CTNNA3: variants seen among roughly 807,000 people sequenced by gnomAD.
CTNNA3 encodes the protein catenin alpha-3.
A neutral mutation model predicts 95.7 loss-of-function variants in CTNNA3; 76 were observed. The ratio of observed to expected loss-of-function variants is 0.79; its 90% CI spans 0.66 to 0.96. The LOEUF (loss-of-function observed/expected upper bound fraction) is 0.96, where lower values mean the gene tolerates loss of function less well. Among genes scored for constraint, CTNNA3 ranks in the 40% least tolerant of loss-of-function variants. The pLI, the probability that CTNNA3 is intolerant of heterozygous loss-of-function variation, is 0.00. For missense variants in CTNNA3, 1,191 were observed against 1,089.8 expected, an observed-to-expected ratio of 1.09 and a Z score of -1.31; for synonymous variants, 431 against 374.4, an observed-to-expected ratio of 1.15 and a Z score of -1.74.
At chr10:66,889,939 C>T (rs753391885) in intron 7 of CTNNA3, among the ~76,000 whole-genome samples, 17 of 151,894 alleles carry the variant, frequency 1.1e-4, no homozygotes, top group Non-Finnish European at 1.9e-4. Context: ...TACAGGCTCA[C>T]GCCACCACGC....
At chr10:66,799,596 C>G (rs11813818) in intron 7 of CTNNA3, among the ~76,000 whole-genome samples, 1 of 151,198 alleles carries the variant, frequency 6.6e-6, no homozygotes, top group African/African-American at 2.4e-5. Flanking sequence ...AAGGTAGAGA[C>G]AAGCATTAGA....
chr10:67,484,063 A>G (rs2133061791), intron 5 of CTNNA3, among the ~76,000 whole-genome samples: 1 of 152,322 alleles, frequency 6.6e-6, no homozygotes, highest in East Asian at 1.9e-4. Flanking sequence ...GCATCACATT[A>G]CCCAACTTCA....
chr10:66,355,500 A>T (rs1043331637), intron 12 of CTNNA3, among the ~76,000 whole-genome samples: 3 of 152,070 alleles, frequency 2.0e-5, no homozygotes, highest in African/African-American at 7.2e-5. Context: ...ACCTACAAAC[A>T]TAAAATAGGA....
At chr10:67,065,686 C>A (rs755247673) in intron 7 of CTNNA3, among the ~76,000 whole-genome samples, 1 of 152,074 alleles carries the variant, frequency 6.6e-6, no homozygotes, top group South Asian at 2.1e-4. Context: ...GCATGAGCCA[C>A]GGGAAGAGAA....
At chr10:66,292,777 A>G (rs1230745421) in intron 12 of CTNNA3, among the ~76,000 whole-genome samples, 1 of 152,192 alleles carries the variant, frequency 6.6e-6, no homozygotes, top group South Asian at 2.1e-4. Flanking sequence ...AATTCTCCAA[A>G]TCATCATGAG....
At chr10:66,370,531 A>C (rs1421528715) in intron 12 of CTNNA3, among the ~76,000 whole-genome samples, 1 of 152,132 alleles carries the variant, frequency 6.6e-6, no homozygotes, top group African/African-American at 2.4e-5. Flanking sequence ...AGAGCTCCTA[A>C]CAGCTCTGGT....
At chr10:66,199,707 T>C (rs920811447) in intron 13 of CTNNA3, among the ~76,000 whole-genome samples, 5 of 139,708 alleles carry the variant, frequency 3.6e-5, no homozygotes, top group African/African-American at 1.4e-4. Flanking sequence ...GTTCAAGTGA[T>C]TCTCCTGCCT....
At chr10:66,938,387 C>T (rs1222475570) in intron 7 of CTNNA3, among the ~76,000 whole-genome samples, 1 of 151,638 alleles carries the variant, frequency 6.6e-6, no homozygotes, top group East Asian at 1.9e-4. Flanking sequence ...AAGAGTCAAC[C>T]CATATTTTAT....
intron 3 of CTNNA3, among the ~76,000 whole-genome samples, chr10:67,590,459 A>G (rs1842757872): frequency 6.6e-6 from 1 of 152,152 alleles, no homozygotes; most frequent in Non-Finnish European, 1.5e-5. Context: ...GGCATTTGAC[A>G]AACGTGACAT....
At chr10:66,040,242 T>G (rs2079657235) in intron 15 of CTNNA3, among the ~76,000 whole-genome samples, 1 of 152,010 alleles carries the variant, frequency 6.6e-6, no homozygotes, top group Non-Finnish European at 1.5e-5. Context: ...CTGCTGAGGT[T>G]GAGGAGAAAA....
At chr10:67,013,369 G>T (rs573014950) in intron 7 of CTNNA3, among the ~76,000 whole-genome samples, 1 of 151,982 alleles carries the variant, frequency 6.6e-6, no homozygotes, top group Non-Finnish European at 1.5e-5. Flanking sequence ...TCCTTTATTA[G>T]GATTTGTTAA....
intron 7 of CTNNA3, among the ~76,000 whole-genome samples, chr10:67,004,441 T>C (rs988114944): frequency 2.0e-5 from 3 of 152,218 alleles, no homozygotes; most frequent in African/African-American, 7.2e-5. Context: ...GACAGCCCCA[T>C]GGCATGGTGT....
At chr10:66,053,724 G>C (rs1286798019) in intron 15 of CTNNA3, among the ~76,000 whole-genome samples, 1 of 151,910 alleles carries the variant, frequency 6.6e-6, no homozygotes, top group African/African-American at 2.4e-5. Flanking sequence ...GATTAAATAA[G>C]GGTGGCTGTG....
At chr10:67,520,752 C>T (rs1839959577) in intron 5 of CTNNA3, among the ~76,000 whole-genome samples, 1 of 152,172 alleles carries the variant, frequency 6.6e-6, no homozygotes, top group Non-Finnish European at 1.5e-5. Context: ...GTCCATGTAA[C>T]ATCTGTGATA....
intron 7 of CTNNA3, among the ~76,000 whole-genome samples, chr10:67,124,774 TG>T (rs1235920322): frequency 6.6e-6 from 1 of 152,236 alleles, no homozygotes; most frequent in Non-Finnish European, 1.5e-5. Flanking sequence ...AAATGCAAAA[TG>T]TTTTTTTCTT....
chr10:66,623,845 A>G (rs557623386), intron 9 of CTNNA3, among the ~76,000 whole-genome samples: 2 of 152,264 alleles, frequency 1.3e-5, no homozygotes, highest in East Asian at 3.9e-4. Flanking sequence ...TTCAAATTTG[A>G]ATGATTTTAT....
At chr10:66,612,765 T>A (rs1844372252) in intron 10 of CTNNA3, among the ~76,000 whole-genome samples, 1 of 152,178 alleles carries the variant, frequency 6.6e-6, no homozygotes, top group Non-Finnish European at 1.5e-5. Flanking sequence ...TGTTTTTCCA[T>A]CTCCGTTGCC....
At chr10:67,745,747 A>C (rs186751229) in intron 1 of CTNNA3, among the ~76,000 whole-genome samples, 4 of 152,152 alleles carry the variant, frequency 2.6e-5, no homozygotes, top group African/African-American at 9.7e-5. Context: ...CTGAATCAAC[A>C]TGCAAAAATC....
At chr10:67,275,082 T>C (rs2132427812) in intron 5 of CTNNA3, among the ~76,000 whole-genome samples, 1 of 152,236 alleles carries the variant, frequency 6.6e-6, no homozygotes, top group East Asian at 1.9e-4. Context: ...TAGAAGTCAG[T>C]AAAAATGTTC....
Sources: gnomAD v4.1 joint callset for allele counts (sites outside exome capture counted in the v4.1 genomes callset) on GRCh38, gnomAD v4.1.1 for gene constraint, MANE v1.5 for transcripts, NCBI Gene and HGNC (gene_info 2026-07-23, HGNC 2026-07-21) for gene names.